SCUBE3: variants seen among roughly 807,000 people sequenced by gnomAD.
SCUBE3 encodes the protein signal peptide, CUB and EGF-like domain-containing protein 3.
SCUBE3 carries 33 observed loss-of-function variants against 116.8 expected under a neutral mutation model. That is an observed-to-expected ratio of 0.28 (90% CI 0.21 to 0.38). SCUBE3 has a LOEUF of 0.38. Among genes scored for constraint, SCUBE3 ranks in the 10% least tolerant of loss-of-function variants. SCUBE3 has a pLI of 1.00. For missense variants in SCUBE3, 1,007 were observed against 1,324.8 expected, an observed-to-expected ratio of 0.76 and a Z score of 3.72; for synonymous variants, 418 against 496.9, an observed-to-expected ratio of 0.84 and a Z score of 2.11.
chr6:35,220,516 A>G (rs1008151808), intron 1 of SCUBE3: 1 of 152,192 alleles, frequency 6.6e-6, no homozygotes, highest in Admixed American at 6.5e-5. Context: ...CCCATCCTCT[A>G]AAAGTCTCTG....
chr6:35,231,718 T>C lies in SCUBE3; in HGVS notation c.335-7T>C, dbSNP rs1274280939. On this transcript the variant is annotated splice_polypyrimidine_tract_variant and splice_region_variant and intron_variant, in intron 3 of 21. Coordinates refer to ENST00000274938, the MANE Select transcript of SCUBE3 (RefSeq NM_152753.4). This position sits in a 1 kb window ranked among gnomAD's most constrained non-coding sequence, Gnocchi z 4.2. ...CCATGACCCCACTGACTACCTATCC[T>C]GCACAGATGTGGACGAGTGTGCCGA... 3.1e-6 allele frequency: 5 copies of C among 1,607,072 alleles called. No homozygotes were observed. In the East Asian group the frequency reaches 9.0e-5, roughly 29 times the overall value.
Position 35,233,404 on chromosome 6 carries a change from GCA to G in SCUBE3, c.712+106_712+107del, listed in dbSNP as rs1783631678. The G allele has an allele frequency of 1.4e-6, 1 of 739,160 alleles. No individual in the cohort carries two copies. The highest frequency in any genetic ancestry group is 1.7e-5 in the African/African-American group (1 of 57,680). The allele number at this position is 739,160 out of a possible 1,614,324, so 45.8% of individuals were successfully genotyped here. On this transcript the variant is annotated intron_variant, in intron 6 of 21. Coordinates refer to ENST00000274938, the MANE Select transcript of SCUBE3 (RefSeq NM_152753.4). This position sits in a 1 kb window ranked among gnomAD's most constrained non-coding sequence, Gnocchi z 5.7. Reference sequence around the variant, plus strand: ...GGAGTGCATGGGGCCCAGGTGCTGGGCACAGAGGGACTGGTGAGGGAGTTAAG... The same window carrying G: ...GGAGTGCATGGGGCCCAGGTGCTGGGCAGAGGGACTGGTGAGGGAGTTAAG...
At position 35,215,579 on chromosome 6, in the gene SCUBE3, A is replaced by G. The variant is rs188646815; in HGVS notation, c.85+1076A>G. On this transcript the variant is annotated intron_variant, in intron 1 of 21. Transcript: ENST00000274938. ...GAGGAGATGGCTGGGCCAGAAGGAA[A>G]GTTGAACTTGGGAGTTGGGGAAGCC... Among the ~76,000 whole-genome samples the G allele has an allele frequency of 6.6e-4, 100 of 152,296 alleles. 1 individual carries two copies. The highest frequency in any genetic ancestry group is 4.8e-3 in the Admixed American group (73 of 15,308).
rs1562044702 is a variant in SCUBE3, at chr6:35,226,479, C to CTTTTT, written c.86-1101_86-1100insTTTTT. ...TCAGAAGTTGGACTCTTTTCTATGTCCTTTTTTTTTTTTTTTTTTTTTTGA... is the reference window on the plus strand; with the variant it reads ...TCAGAAGTTGGACTCTTTTCTATGTCTTTTTCTTTTTTTTTTTTTTTTTTTTTTGA... On this transcript the variant is annotated intron_variant, in intron 1 of 21. Transcript: ENST00000274938. 4.6e-4 allele frequency among the ~76,000 whole-genome samples: 24 copies of CTTTTT among 52,164 alleles called. 1 individual carries two copies. The highest frequency in any genetic ancestry group is 1.3e-3 in the Admixed American group (5 of 3,706). 34.2% of individuals were successfully genotyped at this position (52,164 alleles called of 152,430 possible).
rs1041832596 is a variant in SCUBE3 at position 35,239,101 on chromosome 6, C to G, written c.830-651C>G. ...AAGCCATTCACCAGCCCCCCTTTCC[C>G]TTACTAGTGCTGAAAGCTGCCTCAG... On this transcript the variant is annotated intron_variant, in intron 7 of 21. Coordinates refer to ENST00000274938, the MANE Select transcript of SCUBE3 (RefSeq NM_152753.4). The surrounding 1 kb of genome is among the most constrained non-coding windows in gnomAD (Gnocchi z 4.1). Among the ~76,000 whole-genome samples, 4 of 152,102 alleles carry G rather than the reference C, an allele frequency of 2.6e-5. No individual in the cohort carries two copies. The highest frequency in any genetic ancestry group is 9.7e-5 in the African/African-American group (4 of 41,406).
Position 35,214,129 on chromosome 6 carries a change from A to G in SCUBE3, c.-290A>G, listed in dbSNP as rs1401812759. 1.3e-5 allele frequency among the ~76,000 whole-genome samples: 2 copies of G among 152,138 alleles called. No homozygotes were observed. Among genetic ancestry groups the G allele is most frequent in the Non-Finnish European group, 2.9e-5 (2 of 68,004 alleles). ...GCAGCCCCGCCGCCGCCGCTGGCAG[A>G]GGCCGGCTTGGAGAGGGCGGGGGTT... On this transcript the variant is annotated 5_prime_UTR_variant, in exon 1 of 22. Transcript: ENST00000274938. The surrounding 1 kb of genome is among the most constrained non-coding windows in gnomAD (Gnocchi z 6.3).
In SCUBE3 at chr6:35,245,447, G is replaced by A; in HGVS notation, c.2599+22G>A. On this transcript the variant is annotated intron_variant, in intron 19 of 21. Transcript: ENST00000274938. The surrounding 1 kb of genome is among the most constrained non-coding windows in gnomAD (Gnocchi z 4.2). ...AACTGTGGGTGGCTTGCAGAGCTGGGCCAGGGAAGGGCAGTCCAAATCTGG... is the reference window on the plus strand; with the variant it reads ...AACTGTGGGTGGCTTGCAGAGCTGGACCAGGGAAGGGCAGTCCAAATCTGG... The A allele has an allele frequency of 6.2e-7, 1 of 1,603,190 alleles. No individual in the cohort carries two copies. The highest frequency in any genetic ancestry group is 8.5e-7 in the Non-Finnish European group (1 of 1,170,090).
chr6:35,230,932 G>C (rs1247438854), intron 3 of SCUBE3, among the ~76,000 whole-genome samples: 4 of 152,188 alleles, frequency 2.6e-5, no homozygotes, highest in Non-Finnish European at 4.4e-5. Context: ...TGGAATCAAG[G>C]TGTTGAATTG....
chr6:35,246,301 C>G lies in SCUBE3; in HGVS notation c.2832+16C>G. 1 of 1,546,770 alleles carries G rather than the reference C, an allele frequency of 6.5e-7. No homozygotes were observed. The highest frequency in any genetic ancestry group is 8.9e-7 in the Non-Finnish European group (1 of 1,118,632). On this transcript the variant is annotated intron_variant, in intron 21 of 21. Transcript: ENST00000274938. ...GATTTTAAAGGTGAATGAATATTAA[C>G]AATAATGATAGCTAACATTTAATAA...
In SCUBE3 at chr6:35,243,345, C is replaced by G; in HGVS notation, c.1909+109C>G. 1.0e-6 allele frequency: 1 copy of G among 1,000,008 alleles called. No individual in the cohort carries two copies. The highest frequency in any genetic ancestry group is 1.5e-6 in the Non-Finnish European group (1 of 665,570). 61.9% of individuals were successfully genotyped at this position (1,000,008 alleles called of 1,614,324 possible). A position where few individuals can be genotyped will look rare whatever the true frequency, so the allele number is the denominator to read the frequency against. ...TGCATTTCTCAAATTATGAGGCAGC[C>G]AGGATGCTCCTGCCCGCTGTCCTCC... On this transcript the variant is annotated intron_variant, in intron 15 of 21. Transcript: ENST00000274938. The surrounding 1 kb of genome is among the most constrained non-coding windows in gnomAD (Gnocchi z 6.6).
In SCUBE3 at chr6:35,252,430, T is replaced by C. The variant is rs1034445675; in HGVS notation, c.*3725T>C. On this transcript the variant is annotated 3_prime_UTR_variant, in exon 22 of 22. Transcript: ENST00000274938. ...GAGAAGTGTTCTCTATATACATGTTTGAGGTGACTCTGGAATGGATTATGA... is the reference window on the plus strand; with the variant it reads ...GAGAAGTGTTCTCTATATACATGTTCGAGGTGACTCTGGAATGGATTATGA... 20 of 152,236 alleles carry C rather than the reference T, an allele frequency of 1.3e-4. No homozygotes were observed. The highest frequency in any genetic ancestry group is 4.8e-4 in the African/African-American group (20 of 41,456). The allele number at this position is 152,236 out of a possible 1,614,324, so 9.4% of individuals were successfully genotyped here. A position where few individuals can be genotyped will look rare whatever the true frequency, so the allele number is the denominator to read the frequency against.
chr6:35,236,765 G>A (rs534084185), intron 6 of SCUBE3, among the ~76,000 whole-genome samples: 13 of 152,282 alleles, frequency 8.5e-5, no homozygotes, highest in Non-Finnish European at 1.6e-4. Flanking sequence ...CCTTGATTCT[G>A]AGAACCATTC....
chr6:35,241,453 C>T lies in SCUBE3; in HGVS notation c.1196-90C>T, dbSNP rs1443296587. 8.7e-7 allele frequency: 1 copy of T among 1,143,972 alleles called. No homozygotes were observed. The highest frequency in any genetic ancestry group is 2.3e-5 in the East Asian group (1 of 42,600). 70.9% of individuals were successfully genotyped at this position (1,143,972 alleles called of 1,614,324 possible). On this transcript the variant is annotated intron_variant, in intron 10 of 21. Coordinates refer to ENST00000274938, the MANE Select transcript of SCUBE3 (RefSeq NM_152753.4). The surrounding 1 kb of genome is among the most constrained non-coding windows in gnomAD (Gnocchi z 4.1). ...CCATCATCAGTCTCCATGGGTACAA[C>T]AATAGTTATGCAAGTAGCTGATTCC...
chr6:35,243,162 G>T lies in SCUBE3; in HGVS notation c.1835G>T (p.Gly612Val), dbSNP rs781259780. ...GATTATGAGCTGGCCCACAAGCCGG[G>T]CCTGGTAGCCGGGGAGCGAGCAGAG... is the stretch of plus-strand genomic sequence containing the variant. The part of the protein sequence containing the change: ...GLDYELAHKP[G>V]LVAGERAEPM... Residue 612 changes from glycine to valine, a missense_variant, in exon 15 of 22, where the codon GGC (glycine) becomes GTC (valine). Gly to Val is a moderately radical substitution (Grantham distance 109, BLOSUM62 -3). This residue lies in a region of SCUBE3 where 544 missense variants were observed against 638.9 expected (regional missense o/e 0.85). Coordinates refer to ENST00000274938, the MANE Select transcript of SCUBE3 (RefSeq NM_152753.4). This position sits in a 1 kb window ranked among gnomAD's most constrained non-coding sequence, Gnocchi z 6.6. 2.5e-6 allele frequency: 4 copies of T among 1,614,108 alleles called. No homozygotes were observed. In the African/African-American group the frequency reaches 5.3e-5, roughly 22 times the overall value.
rs1784179560 is a variant in SCUBE3 at position 35,243,546 on chromosome 6, G to C, written c.1910-48G>C. On this transcript the variant is annotated intron_variant, in intron 15 of 21. Coordinates refer to ENST00000274938, the MANE Select transcript of SCUBE3 (RefSeq NM_152753.4). The surrounding 1 kb of genome is among the most constrained non-coding windows in gnomAD (Gnocchi z 6.6). Reference sequence around the variant, plus strand: ...GGGAAGGGGAGTCCCAGGCCTGGGTGGTGGGAAATGCGGGGGTGGGTGGCT... The same window carrying C: ...GGGAAGGGGAGTCCCAGGCCTGGGTCGTGGGAAATGCGGGGGTGGGTGGCT... 6.6e-7 allele frequency: 1 copy of C among 1,504,448 alleles called. No individual in the cohort carries two copies. The highest frequency in any genetic ancestry group is 1.4e-5 in the African/African-American group (1 of 72,724). 93.2% of individuals were successfully genotyped at this position (1,504,448 alleles called of 1,614,324 possible). A position where few individuals can be genotyped will look rare whatever the true frequency, so the allele number is the denominator to read the frequency against.
chr6:35,242,833 G>C (rs1044169389), intron 14 of SCUBE3, 53 bp downstream of exon 14: 63 of 1,595,968 alleles, frequency 3.9e-5, no homozygotes, highest in Non-Finnish European at 5.4e-5. Flanking sequence ...GGCAGAGGTG[G>C]GGAAACCACA....
Position 35,248,486 on chromosome 6 carries a change from C to A in SCUBE3, c.2833-70C>A, listed in dbSNP as rs370490155. ...GCCTAGTAGACATCAAGAAGGGCTG[C>A]TGAGTCATGGTGTTTCTCTTTCCCA... is the stretch of plus-strand genomic sequence containing the variant. On this transcript the variant is annotated intron_variant, in intron 21 of 21. Coordinates refer to ENST00000274938, the MANE Select transcript of SCUBE3 (RefSeq NM_152753.4). The A allele has an allele frequency of 5.1e-5, 75 of 1,468,552 alleles. No individual in the cohort carries two copies. The South Asian group carries it at 8.2e-4, about 16-fold the overall frequency. The allele number at this position is 1,468,552 out of a possible 1,614,324, so 91.0% of individuals were successfully genotyped here.
Position 35,248,775 on chromosome 6 carries a change from T to A in SCUBE3, c.*70T>A. On this transcript the variant is annotated 3_prime_UTR_variant, in exon 22 of 22. Transcript: ENST00000274938. The stretch of plus-strand genomic sequence containing the variant: ...TTAGCCCTCAGAGCCGGCAGCCCCC[T>A]ACCCTCAGACAAGGAACTCTCTCCT... 5 of 1,277,534 alleles carry A rather than the reference T, an allele frequency of 3.9e-6. No individual in the cohort carries two copies. Among genetic ancestry groups the A allele is most frequent in the Non-Finnish European group, 5.5e-6 (5 of 904,056 alleles). 79.1% of individuals were successfully genotyped at this position (1,277,534 alleles called of 1,614,324 possible).
intron 6 of SCUBE3, among the ~76,000 whole-genome samples, 182 bp from the exon 7 acceptor site, chr6:35,237,720 T>C (rs1258232331): frequency 6.6e-6 from 1 of 152,038 alleles, no homozygotes; most frequent in Non-Finnish European, 1.5e-5. Context: ...TGTGAGGGGA[T>C]GGGGGTTGGG....
Sources: gnomAD v4.1 joint callset for allele counts (sites outside exome capture counted in the v4.1 genomes callset) on GRCh38, gnomAD v4.1.1 for gene constraint, gnomAD v4.1.1 regional missense constraint, Gnocchi (gnomAD v3.1) non-coding constraint, MANE v1.5 for transcripts, NCBI Gene and HGNC (gene_info 2026-07-23, HGNC 2026-07-21) for gene names.